Variants in AFF1 observed in about 807,000 individuals in gnomAD.
The protein encoded by AFF1 is ALF transcription elongation factor 1, also known as AF4/FMR2 family member 1.
A neutral mutation model predicts 121.7 loss-of-function variants in AFF1; 48 were observed. That is an observed-to-expected ratio of 0.39 (90% confidence interval 0.31 to 0.50). AFF1 has a LOEUF of 0.50. AFF1 is among the 20% of genes least tolerant of loss of function. The pLI is 0.76. For missense variants in AFF1, 1,523 were observed against 1,511.7 expected (o/e 1.01, Z -0.12); for synonymous variants, 613 against 563.0 (o/e 1.09, Z -1.26).
intron 1 of AFF1, among the ~76,000 whole-genome samples, chr4:86,940,434 C>G (rs1231643808): frequency 6.6e-6 from 1 of 152,208 alleles, no homozygotes; most frequent in Non-Finnish European, 1.5e-5. Flanking sequence ...CAGAGTCTCA[C>G]TCTGTTGCCC....
At position 86,948,606 on chromosome 4, in the gene AFF1, A is replaced by G. The variant is rs746620414; in HGVS notation, c.38+35A>G. 3 of 1,523,520 alleles carry G rather than the reference A, an allele frequency of 2.0e-6. No individual in the cohort carries two copies. In the South Asian group the frequency reaches 3.6e-5, roughly 18 times the overall value. The allele number at this position is 1,523,520 out of a possible 1,614,324, so 94.4% of individuals were successfully genotyped here. On this transcript the variant is annotated intron_variant, in intron 2 of 20. Transcript: ENST00000395146. ...GAATCTATGATTCAAAGACATGCTG[A>G]TATTTAATTTTATAATCTACTTTTC... is the stretch of plus-strand genomic sequence containing the variant.
chr4:86,952,608 G>A (rs976095391), intron 2 of AFF1, among the ~76,000 whole-genome samples: 1 of 151,562 alleles, frequency 6.6e-6, no homozygotes, highest in Non-Finnish European at 1.5e-5. Flanking sequence ...TGTTCTGCAC[G>A]TGTGTTTAAC....
At chr4:87,111,012 A>ATTTTTTTTTTATTTTTTTTTT (rs1726458942) in intron 11 of AFF1, among the ~76,000 whole-genome samples, 1 of 29,278 alleles carries the variant, frequency 3.4e-5, no homozygotes, top group African/African-American at 8.9e-5. Context: ...TTTTTTTTTT[A>ATTTTTTTTTTATTTTTTTTTT]TTTTTTTTTT....
chr4:87,079,746 C>A (rs1434700375), intron 4 of AFF1, among the ~76,000 whole-genome samples: 1 of 152,160 alleles, frequency 6.6e-6, no homozygotes, highest in Non-Finnish European at 1.5e-5. Flanking sequence ...TTTGTAAATA[C>A]CTCATCGTGG....
At chr4:87,115,857 C>T (rs913374689) in intron 12 of AFF1, among the ~76,000 whole-genome samples, 2 of 151,970 alleles carry the variant, frequency 1.3e-5, no homozygotes, top group South Asian at 2.1e-4. Flanking sequence ...GTTATCCACC[C>T]GCCTCTGCCT....
At chr4:87,018,915 A>AT (rs1274917992) in intron 2 of AFF1, among the ~76,000 whole-genome samples, 1 of 152,234 alleles carries the variant, frequency 6.6e-6, no homozygotes, top group Non-Finnish European at 1.5e-5. Context: ...TAGAATTTAG[A>AT]AAGGCCCCCA....
chr4:87,113,896 A>G (rs754382560), intron 11 of AFF1, among the ~76,000 whole-genome samples: 1 of 152,202 alleles, frequency 6.6e-6, no homozygotes, highest in Non-Finnish European at 1.5e-5. Context: ...CTCATCTTGA[A>G]TAAAAGTCAT....
chr4:86,975,196 C>T (rs769232576), intron 2 of AFF1, among the ~76,000 whole-genome samples: 19 of 152,172 alleles, frequency 1.2e-4, no homozygotes, highest in Admixed American at 2.0e-4. Flanking sequence ...TGGTCCCTTC[C>T]GACACTACTT....
chr4:87,129,788 CATG>C (rs1728637410), intron 16 of AFF1, among the ~76,000 whole-genome samples: 1 of 152,128 alleles, frequency 6.6e-6, no homozygotes, highest in African/African-American at 2.4e-5. Flanking sequence ...ACTGGTAAAA[CATG>C]AGAACAGTAT....
In AFF1 at chr4:87,137,230, G is replaced by A. The variant is rs947171015; in HGVS notation, c.*1529G>A. The A allele has an allele frequency of 1.8e-5, 4 of 227,750 alleles. No individual in the cohort carries two copies. Among genetic ancestry groups the A allele is most frequent in the African/African-American group, 4.4e-5 (2 of 45,002 alleles). 14.1% of individuals were successfully genotyped at this position (227,750 alleles called of 1,614,324 possible). A position where few individuals can be genotyped will look rare whatever the true frequency, so the allele number is the denominator to read the frequency against. ...GTGTCATCTCTATAACTTTTTCTCC[G>A]CCTTTGTCCCATTCTGCCCCTGTAC... is the stretch of plus-strand genomic sequence containing the variant. On this transcript the variant is annotated 3_prime_UTR_variant, in exon 21 of 21. Transcript: ENST00000395146.
At chr4:87,055,054 T>A (rs911496583) in intron 4 of AFF1, among the ~76,000 whole-genome samples, 1 of 152,154 alleles carries the variant, frequency 6.6e-6, no homozygotes, top group African/African-American at 2.4e-5. Flanking sequence ...CACAGCTCAC[T>A]TCAGCCTTGA....
rs146294025 is a variant in AFF1 at position 87,061,142 on chromosome 4, A to G, written c.1059+13548A>G. Among the ~76,000 whole-genome samples the G allele has an allele frequency of 7.2e-5, 11 of 152,334 alleles. No individual in the cohort carries two copies. In the East Asian group the frequency reaches 1.7e-3, roughly 24 times the overall value. ...TTATTTCATTCAAGTCATGTAAAAT[A>G]ACTACACTGTGGTTTGTTTTGCTTA... On this transcript the variant is annotated intron_variant, in intron 4 of 20. Transcript: ENST00000395146.
chr4:87,135,215 A>G (rs1011234590), intron 20 of AFF1, among the ~76,000 whole-genome samples: 140 of 152,240 alleles, frequency 9.2e-4, no homozygotes, highest in African/African-American at 3.1e-3. Context: ...AGTTGGAGCC[A>G]GCTGGCTGTA....
At chr4:87,121,079 G>A (rs1376260943) in intron 12 of AFF1, among the ~76,000 whole-genome samples, 2 of 152,170 alleles carry the variant, frequency 1.3e-5, no homozygotes, top group East Asian at 3.9e-4. Context: ...AAACAAGTCT[G>A]TGAGGACCAA....
intron 2 of AFF1, among the ~76,000 whole-genome samples, chr4:87,008,618 GTGTT>G (rs1726412003): frequency 1.2e-5 from 1 of 80,996 alleles, no homozygotes. Flanking sequence ...CTGAAATTTA[GTGTT>G]TTTTTTTTTT....
intron 5 of AFF1, among the ~76,000 whole-genome samples, chr4:87,084,756 A>C (rs1029012723): frequency 6.6e-6 from 1 of 152,212 alleles, no homozygotes; most frequent in Admixed American, 6.5e-5. Context: ...TGAAGTCTAC[A>C]AACTGCAAGA....
At chr4:87,074,707 C>T (rs559411740) in intron 4 of AFF1, among the ~76,000 whole-genome samples, 1 of 152,250 alleles carries the variant, frequency 6.6e-6, no homozygotes, top group South Asian at 2.1e-4. Context: ...TGAATTGTAC[C>T]TTTTATATGT....
At chr4:87,124,603 G>A (rs1728033343) in intron 12 of AFF1, among the ~76,000 whole-genome samples, 1 of 152,078 alleles carries the variant, frequency 6.6e-6, no homozygotes, top group Admixed American at 6.6e-5. Context: ...TAAACTAGTG[G>A]GTTTAAGTGG....
intron 4 of AFF1, among the ~76,000 whole-genome samples, chr4:87,080,287 G>C (rs1398252760): frequency 1.3e-5 from 2 of 152,128 alleles, no homozygotes; most frequent in Non-Finnish European, 2.9e-5. Context: ...AGCCAGAGAA[G>C]GACTTACAAA....
Sources: gnomAD v4.1 joint callset for allele counts (sites outside exome capture counted in the v4.1 genomes callset) on GRCh38, gnomAD v4.1.1 for gene constraint, MANE v1.5 for transcripts, NCBI Gene and HGNC (gene_info 2026-07-23, HGNC 2026-07-21) for gene names.